The following CTNND2 variants were observed in gnomAD, a reference collection of about 807,000 sequenced individuals.
The protein encoded by CTNND2 is catenin delta 2, also known as catenin delta-2.
CTNND2 carries 22 observed loss-of-function variants against 144.4 expected under a neutral mutation model. The observed-to-expected ratio is 0.15, with a 90% CI of 0.11 to 0.22. CTNND2 has a LOEUF of 0.22. CTNND2 is among the 10% of genes least tolerant of loss of function. The probability of loss-of-function intolerance (pLI) is 1.00; values close to 1 mark genes in which losing one functional copy is unlikely to be tolerated. For missense variants in CTNND2, 1,353 were observed against 1,618.8 expected, an observed-to-expected ratio of 0.84 and a Z score of 2.82; for synonymous variants, 751 against 695.6, an observed-to-expected ratio of 1.08 and a Z score of -1.25.
chr5:11,259,994 A>C (rs1744694755), intron 9 of CTNND2, among the ~76,000 whole-genome samples: 1 of 152,214 alleles, frequency 6.6e-6, no homozygotes, highest in Non-Finnish European at 1.5e-5. Flanking sequence ...ACTACTACTT[A>C]ATTTTTCCAA....
chr5:11,841,824 T>A (rs779587119), intron 1 of CTNND2, among the ~76,000 whole-genome samples: 8 of 150,936 alleles, frequency 5.3e-5, no homozygotes, highest in Non-Finnish European at 1.2e-4. Context: ...CAAGAAAGCC[T>A]CCCAAAGAAG....
rs1012478520 is a variant in CTNND2, at chr5:11,271,469, T to C, written c.1629-34646A>G. On this transcript the variant is annotated intron_variant, in intron 9 of 21. Transcript: ENST00000304623. ...TTCATGATTTTAATTTTATTTAAAT[T>C]CCTGGTTTATTGGGTATTTCCTTTC... is the stretch of plus-strand genomic sequence containing the variant. 7.9e-5 allele frequency among the ~76,000 whole-genome samples: 12 copies of C among 152,188 alleles called. 1 individual carries two copies. The highest frequency in any genetic ancestry group is 2.9e-4 in the African/African-American group (12 of 41,438).
At chr5:10,992,715 C>CA in intron 18 of CTNND2, 38 bp from the exon 19 acceptor site, 1 of 1,598,230 alleles carries the variant, frequency 6.3e-7, no homozygotes, top group Non-Finnish European at 8.5e-7. Context: ...ATGGGCAAGA[C>CA]AGAGTGATTT....
chr5:11,673,505 G>C (rs911313961), intron 2 of CTNND2, among the ~76,000 whole-genome samples: 1 of 152,160 alleles, frequency 6.6e-6, no homozygotes, highest in African/African-American at 2.4e-5. Flanking sequence ...TTATGCATAA[G>C]TTTTGGGTTT....
intron 10 of CTNND2, among the ~76,000 whole-genome samples, chr5:11,206,899 A>G (rs1738103533): frequency 6.7e-6 from 1 of 149,826 alleles, no homozygotes; most frequent in African/African-American, 2.4e-5. Context: ...ACTTACACTT[A>G]CTCTCTCTCT....
At chr5:11,427,616 A>AT (rs1472643541) in intron 3 of CTNND2, among the ~76,000 whole-genome samples, 1 of 151,974 alleles carries the variant, frequency 6.6e-6, no homozygotes, top group African/African-American at 2.4e-5. Flanking sequence ...CTAAATCTGC[A>AT]TTTTGCATTG....
Position 11,681,548 on chromosome 5 carries a change from GAA to G in CTNND2, c.174+50586_174+50587del, listed in dbSNP as rs945863754. 2.7e-5 allele frequency among the ~76,000 whole-genome samples: 4 copies of G among 150,020 alleles called. No individual in the cohort carries two copies. The South Asian group carries it at 8.4e-4, about 32-fold the overall frequency. On this transcript the variant is annotated intron_variant, in intron 2 of 21. Transcript: ENST00000304623. ...GTCTCTAAGAAATCCTGCTCTTGAG[GAA>G]AAAAAAAATTCTTTTTCCAGTCCCA...
chr5:11,068,957 C>A (rs746216930), intron 16 of CTNND2, among the ~76,000 whole-genome samples: 1 of 152,134 alleles, frequency 6.6e-6, no homozygotes, highest in East Asian at 1.9e-4. Flanking sequence ...ATCTGCTAGA[C>A]GACAGAACAG....
rs537849424 is a variant in CTNND2, at chr5:11,540,559, C to T, written c.287+24385G>A. On this transcript the variant is annotated intron_variant, in intron 3 of 21. Coordinates refer to ENST00000304623, the MANE Select transcript of CTNND2 (RefSeq NM_001332.4). ...TGAGAATAAGTCTTGCTCTGTCGTC[C>T]GGGCTGGAGTGCAGTGGCACGGTCT... is the stretch of plus-strand genomic sequence containing the variant. Among the ~76,000 whole-genome samples, 16 of 152,260 alleles carry T rather than the reference C, an allele frequency of 1.1e-4. No individual in the cohort carries two copies. The East Asian group carries it at 1.2e-3, about 11-fold the overall frequency.
intron 3 of CTNND2, among the ~76,000 whole-genome samples, chr5:11,419,271 A>T (rs1328902983): frequency 1.3e-5 from 2 of 152,088 alleles, no homozygotes; most frequent in African/African-American, 2.4e-5. Flanking sequence ...ACATTATTTT[A>T]AAAATATCTT....
intron 9 of CTNND2, among the ~76,000 whole-genome samples, chr5:11,337,701 AG>A (rs1207414267): frequency 6.6e-6 from 1 of 152,230 alleles, no homozygotes; most frequent in Non-Finnish European, 1.5e-5. Flanking sequence ...AGAATTCAGT[AG>A]ATTACTCCTT....
At chr5:11,221,200 A>C (rs1490089609) in intron 10 of CTNND2, among the ~76,000 whole-genome samples, 2 of 152,238 alleles carry the variant, frequency 1.3e-5, no homozygotes, top group Non-Finnish European at 2.9e-5. Context: ...ATCTAATAGG[A>C]AGACACAGCT....
intron 20 of CTNND2, among the ~76,000 whole-genome samples, chr5:10,983,834 T>A (rs1737599463): frequency 6.6e-6 from 1 of 152,188 alleles, no homozygotes; most frequent in Non-Finnish European, 1.5e-5. Flanking sequence ...CTCTCCACTA[T>A]GGCCATGAGG....
At chr5:11,075,961 C>T (rs573086734) in intron 16 of CTNND2, among the ~76,000 whole-genome samples, 3 of 152,328 alleles carry the variant, frequency 2.0e-5, no homozygotes, top group Admixed American at 1.3e-4. Context: ...TGAATAAATA[C>T]GCTGTGTTAT....
chr5:11,263,596 G>T (rs1432112039), intron 9 of CTNND2, among the ~76,000 whole-genome samples: 1 of 152,004 alleles, frequency 6.6e-6, no homozygotes, highest in African/African-American at 2.4e-5. Flanking sequence ...AATTTAAAAA[G>T]CCTGGGAGAG....
At chr5:11,561,175 T>A (rs1291712049) in intron 3 of CTNND2, among the ~76,000 whole-genome samples, 3 of 152,294 alleles carry the variant, frequency 2.0e-5, no homozygotes, top group African/African-American at 7.2e-5. Context: ...AGGGACTTGA[T>A]TATCATCTTA....
At chr5:11,501,803 T>C (rs1362332017) in intron 3 of CTNND2, among the ~76,000 whole-genome samples, 5 of 151,036 alleles carry the variant, frequency 3.3e-5, no homozygotes, top group Admixed American at 1.3e-4. Context: ...GGTCGGGAGA[T>C]TGAGACCATC....
chr5:11,720,600 T>C (rs1213282820), intron 2 of CTNND2, among the ~76,000 whole-genome samples: 1 of 152,180 alleles, frequency 6.6e-6, no homozygotes, highest in Non-Finnish European at 1.5e-5. Context: ...ACCTGCAACA[T>C]ATGTAACTTG....
intron 12 of CTNND2, among the ~76,000 whole-genome samples, chr5:11,152,327 C>T (rs993243422): frequency 1.3e-5 from 2 of 152,110 alleles, no homozygotes; most frequent in African/African-American, 2.4e-5. Flanking sequence ...TGTATGGATA[C>T]GTTTAGATAG....
Sources: allele counts gnomAD v4.1 joint callset (sites outside exome capture counted in the v4.1 genomes callset), GRCh38; gene constraint gnomAD v4.1.1; transcripts MANE v1.5; gene names NCBI Gene and HGNC (gene_info 2026-07-23, HGNC 2026-07-21).